The following SLC35F1 variants were observed in gnomAD, a reference collection of about 807,000 sequenced individuals.
The protein encoded by SLC35F1 is solute carrier family 35 member F1.
In SLC35F1, 14 loss-of-function variants were observed where a neutral mutation model predicts 48.7. The ratio of observed to expected loss-of-function variants is 0.29; its 90% CI spans 0.19 to 0.45. The LOEUF is 0.45. Ranked by LOEUF, SLC35F1 falls within the 20% of genes least tolerant of loss-of-function variation. SLC35F1 has a pLI of 1.00. For synonymous variants in SLC35F1, 190 were observed against 202.2 expected (o/e 0.94, Z 0.51); for missense variants, 404 against 500.0 (o/e 0.81, Z 1.83).
chr6:118,015,789 T>A (rs1242010045), intron 1 of SLC35F1, among the ~76,000 whole-genome samples: 1 of 152,126 alleles, frequency 6.6e-6, no homozygotes, highest in African/African-American at 2.4e-5. Context: ...CACTTCTAAA[T>A]TTTTTTATGA....
chr6:118,039,820 T>TTTTTTTTTTA (rs1562271594), intron 1 of SLC35F1, among the ~76,000 whole-genome samples: 15 of 148,026 alleles, frequency 1.0e-4, no homozygotes, highest in Non-Finnish European at 1.5e-4. Flanking sequence ...TTTTTTTTTT[T>TTTTTTTTTTA]GCTTCAGACT....
chr6:118,117,449 G>T (rs1378617746), intron 1 of SLC35F1, among the ~76,000 whole-genome samples: 3 of 152,130 alleles, frequency 2.0e-5, no homozygotes, highest in Non-Finnish European at 4.4e-5. Flanking sequence ...GAAAATAAAT[G>T]ATATGTTTCC....
chr6:118,221,210 A>G (rs2114563198), intron 2 of SLC35F1, among the ~76,000 whole-genome samples: 1 of 152,144 alleles, frequency 6.6e-6, no homozygotes, highest in African/African-American at 2.4e-5. Flanking sequence ...ATACTGCGCT[A>G]CCCCAACAAA....
chr6:118,037,871 G>T (rs1053705733), intron 1 of SLC35F1, among the ~76,000 whole-genome samples: 1 of 151,868 alleles, frequency 6.6e-6, no homozygotes, highest in Non-Finnish European at 1.5e-5. Context: ...GCCTGTTGGG[G>T]GGTGGGGGGC....
chr6:118,055,930 G>A (rs775108011), intron 1 of SLC35F1, among the ~76,000 whole-genome samples: 1 of 152,224 alleles, frequency 6.6e-6, no homozygotes, highest in Non-Finnish European at 1.5e-5. Flanking sequence ...ACAGAGACCA[G>A]CATCTTCTGC....
chr6:118,184,508 C>T (rs755333636), intron 2 of SLC35F1, among the ~76,000 whole-genome samples: 2 of 152,200 alleles, frequency 1.3e-5, no homozygotes, highest in Non-Finnish European at 2.9e-5. Flanking sequence ...TTCTCCCTTT[C>T]AGTCCTCCAA....
intron 3 of SLC35F1, among the ~76,000 whole-genome samples, chr6:118,258,964 G>A (rs866849311): frequency 1.3e-5 from 2 of 151,794 alleles, no homozygotes; most frequent in Admixed American, 6.6e-5. Context: ...CTACTTCGCT[G>A]ATTTGGGGAG....
rs115541389 is a variant in SLC35F1 at position 118,143,352 on chromosome 6, A to T, written c.174-11093A>T. 8.7e-3 allele frequency among the ~76,000 whole-genome samples: 1,322 copies of T among 152,314 alleles called. 18 individuals carry two copies. The highest frequency in any genetic ancestry group is 0.03 in the African/African-American group (1,251 of 41,562). On this transcript the variant is annotated intron_variant, in intron 1 of 7. Coordinates refer to ENST00000360388, the MANE Select transcript of SLC35F1 (RefSeq NM_001029858.4). Reference sequence around the variant, plus strand: ...GTCATTTAGCAATGTATAAAGAAAAAAACAGCAAAAGTAATCCTTAAAAGG... The same window carrying T: ...GTCATTTAGCAATGTATAAAGAAAATAACAGCAAAAGTAATCCTTAAAAGG...
rs1409673038 is a variant in SLC35F1, at chr6:118,317,312, G to A, written c.*3060G>A. 1 of 152,062 alleles carries A rather than the reference G, an allele frequency of 6.6e-6. No individual in the cohort carries two copies. The highest frequency in any genetic ancestry group is 1.5e-5 in the Non-Finnish European group (1 of 68,030). The allele number at this position is 152,062 out of a possible 1,614,324, so 9.4% of individuals were successfully genotyped here. Reference sequence around the variant, plus strand: ...GCAATGGAAAAATTTGCACCACCGTGTCCCATGAAATTGTTTCAATGTTTA... The same window carrying A: ...GCAATGGAAAAATTTGCACCACCGTATCCCATGAAATTGTTTCAATGTTTA... On this transcript the variant is annotated 3_prime_UTR_variant, in exon 8 of 8. Coordinates refer to ENST00000360388, the MANE Select transcript of SLC35F1 (RefSeq NM_001029858.4).
intron 7 of SLC35F1, among the ~76,000 whole-genome samples, chr6:118,310,682 T>A (rs578252714): frequency 6.6e-6 from 1 of 152,296 alleles, no homozygotes; most frequent in South Asian, 2.1e-4. Context: ...CCAAGATACT[T>A]CCACCATATA....
At chr6:117,907,996 G>A (rs1775715248) in intron 1 of SLC35F1, 97 bp downstream of exon 1, 1 of 1,167,516 alleles carries the variant, frequency 8.6e-7, no homozygotes, top group South Asian at 3.1e-5. Flanking sequence ...GGGTCCTTTG[G>A]GACGGGGTTG....
At chr6:118,300,262 A>G (rs1393134907) in intron 7 of SLC35F1, among the ~76,000 whole-genome samples, 3 of 152,218 alleles carry the variant, frequency 2.0e-5, no homozygotes, top group Admixed American at 1.3e-4. Context: ...TGGGTATTAT[A>G]TGTAATCTAG....
chr6:117,988,690 T>A (rs945912857), intron 1 of SLC35F1, among the ~76,000 whole-genome samples: 2 of 152,206 alleles, frequency 1.3e-5, no homozygotes, highest in African/African-American at 2.4e-5. Flanking sequence ...GCACAAAAAG[T>A]TCCCCTGGAA....
chr6:118,097,592 C>T (rs1773195430), intron 1 of SLC35F1, among the ~76,000 whole-genome samples: 1 of 152,178 alleles, frequency 6.6e-6, no homozygotes. Flanking sequence ...TCTGAGGGCA[C>T]AGCTAGAGCT....
intron 1 of SLC35F1, among the ~76,000 whole-genome samples, chr6:118,127,150 G>A (rs555520121): frequency 9.9e-5 from 15 of 150,886 alleles, no homozygotes; most frequent in South Asian, 8.5e-4. Flanking sequence ...TTTGAGATAC[G>A]TCCCATCAAT....
intron 1 of SLC35F1, among the ~76,000 whole-genome samples, chr6:117,993,926 C>T (rs1176343292): frequency 3.3e-5 from 5 of 152,120 alleles, no homozygotes; most frequent in Non-Finnish European, 2.9e-5. Flanking sequence ...TGAAACAATG[C>T]AAATTTGTTA....
chr6:117,914,851 G>A (rs964358063), intron 1 of SLC35F1, among the ~76,000 whole-genome samples: 5 of 151,970 alleles, frequency 3.3e-5, no homozygotes, highest in Non-Finnish European at 7.4e-5. Context: ...GATTCAAGAA[G>A]CAGACCTTTT....
chr6:117,949,620 A>G (rs1027907762), intron 1 of SLC35F1, among the ~76,000 whole-genome samples: 22 of 152,112 alleles, frequency 1.4e-4, no homozygotes, highest in African/African-American at 5.3e-4. Context: ...CCTGGAACTG[A>G]CTGTTTACTA....
chr6:118,127,205 T>C (rs1329445673), intron 1 of SLC35F1, among the ~76,000 whole-genome samples: 1 of 151,934 alleles, frequency 6.6e-6, no homozygotes, highest in Non-Finnish European at 1.5e-5. Context: ...TGTTGAATTT[T>C]GTCAAAGGCC....
Sources: allele counts gnomAD v4.1 joint callset (sites outside exome capture counted in the v4.1 genomes callset), GRCh38; gene constraint gnomAD v4.1.1; transcripts MANE v1.5; gene names NCBI Gene and HGNC (gene_info 2026-07-23, HGNC 2026-07-21).